Variants in GRID2 observed in about 807,000 individuals in gnomAD.
GRID2 encodes the protein glutamate ionotropic receptor delta type subunit 2, also known as glutamate receptor ionotropic, delta-2.
In GRID2, 33 loss-of-function variants were observed where a neutral mutation model predicts 114.8. The observed-to-expected ratio is 0.29, with a 90% CI of 0.22 to 0.38. The LOEUF (loss-of-function observed/expected upper bound fraction) is 0.38. Among genes scored for constraint, GRID2 ranks in the 10% least tolerant of loss-of-function variants. The pLI, the probability that GRID2 is intolerant of heterozygous loss-of-function variation, is 1.00. For synonymous variants in GRID2, 505 were observed against 449.9 expected, an observed-to-expected ratio of 1.12 and a Z score of -1.55; for missense variants, 1,184 against 1,257.7, an observed-to-expected ratio of 0.94 and a Z score of 0.89.
intron 2 of GRID2, among the ~76,000 whole-genome samples, chr4:92,688,488 C>G (rs1322439957): frequency 6.6e-6 from 1 of 152,150 alleles, no homozygotes; most frequent in African/African-American, 2.4e-5. Context: ...ATTCTAAATT[C>G]TTTGTTGTCA....
At chr4:93,286,690 T>TGG (rs1249965684) in intron 8 of GRID2, among the ~76,000 whole-genome samples, 17 of 49,678 alleles carry the variant, frequency 3.4e-4, no homozygotes, top group Middle Eastern at 0.013. Flanking sequence ...TGTGTGTGTG[T>TGG]GGGGGTGTGT....
chr4:93,449,800 A>C (rs551792723), intron 10 of GRID2, among the ~76,000 whole-genome samples: 1 of 152,162 alleles, frequency 6.6e-6, no homozygotes, highest in African/African-American at 2.4e-5. Flanking sequence ...ATGTGAATGA[A>C]GAATTAAAGG....
intron 11 of GRID2, among the ~76,000 whole-genome samples, chr4:93,463,456 T>G (rs1318724444): frequency 6.6e-6 from 1 of 152,180 alleles, no homozygotes; most frequent in East Asian, 1.9e-4. Flanking sequence ...TCAACTGGGC[T>G]TTTGAAGAGT....
chr4:92,449,466 C>T (rs1388697760), intron 1 of GRID2, among the ~76,000 whole-genome samples: 1 of 151,198 alleles, frequency 6.6e-6, no homozygotes, highest in Non-Finnish European at 1.5e-5. Flanking sequence ...AAATTTTTTT[C>T]CATGTGTGGG....
chr4:92,905,384 G>A (rs935431579), intron 2 of GRID2, among the ~76,000 whole-genome samples: 10 of 148,948 alleles, frequency 6.7e-5, no homozygotes, highest in Admixed American at 3.3e-4. Context: ...ATATAATAAC[G>A]TTAAAATTTT....
intron 1 of GRID2, among the ~76,000 whole-genome samples, chr4:92,394,904 A>G (rs529261478): frequency 1.3e-5 from 2 of 151,632 alleles, no homozygotes; most frequent in Admixed American, 1.3e-4. Context: ...TATTTGTGTA[A>G]TATTATTTTT....
chr4:92,366,161 T>C (rs1728853470), intron 1 of GRID2, among the ~76,000 whole-genome samples: 1 of 152,024 alleles, frequency 6.6e-6, no homozygotes, highest in Non-Finnish European at 1.5e-5. Flanking sequence ...TTTTTGTAGA[T>C]GAAGAAACAG....
chr4:92,998,040 A>G (rs1257369758), intron 2 of GRID2, among the ~76,000 whole-genome samples: 1 of 152,106 alleles, frequency 6.6e-6, no homozygotes, highest in Non-Finnish European at 1.5e-5. Flanking sequence ...ACTTTGGAAT[A>G]ATTAGACTAA....
chr4:92,736,321 A>G (rs1736596140), intron 2 of GRID2, among the ~76,000 whole-genome samples: 1 of 152,116 alleles, frequency 6.6e-6, no homozygotes, highest in African/African-American at 2.4e-5. Flanking sequence ...GAACCTCCAG[A>G]AGAAATACAG....
intron 10 of GRID2, among the ~76,000 whole-genome samples, chr4:93,427,911 A>C (rs1346746425): frequency 6.6e-6 from 1 of 152,040 alleles, no homozygotes; most frequent in African/African-American, 2.4e-5. Flanking sequence ...AGTACAGGAG[A>C]AATATTTAAG....
chr4:92,908,541 G>A, intron 2 of GRID2, among the ~76,000 whole-genome samples: 1 of 122,120 alleles, frequency 8.2e-6, no homozygotes. Flanking sequence ...CAGTCCGGAC[G>A]ACAGAGCAAG....
chr4:93,172,094 T>C (rs1302628030), intron 4 of GRID2, among the ~76,000 whole-genome samples: 1 of 152,322 alleles, frequency 6.6e-6, no homozygotes, highest in South Asian at 2.1e-4. Flanking sequence ...CTCAGGTCAA[T>C]ATATTTCATC....
At chr4:92,710,152 G>T (rs1735172458) in intron 2 of GRID2, among the ~76,000 whole-genome samples, 1 of 151,786 alleles carries the variant, frequency 6.6e-6, no homozygotes, top group Admixed American at 6.6e-5. Flanking sequence ...TTCTTTTCTT[G>T]ATGCCATACC....
intron 14 of GRID2, among the ~76,000 whole-genome samples, chr4:93,747,801 G>A (rs1469501483): frequency 1.3e-5 from 2 of 151,520 alleles, no homozygotes; most frequent in Non-Finnish European, 2.9e-5. Context: ...TTCCCCCCCA[G>A]TGGACAGAAA....
At chr4:92,989,063 G>A (rs983992397) in intron 2 of GRID2, among the ~76,000 whole-genome samples, 8 of 151,926 alleles carry the variant, frequency 5.3e-5, no homozygotes, top group Admixed American at 2.0e-4. Context: ...AGATCACGAG[G>A]TCCGGAGATG....
At chr4:93,213,367 A>G (rs149290590) in intron 5 of GRID2, among the ~76,000 whole-genome samples, 308 of 152,280 alleles carry the variant, frequency 2.0e-3, no homozygotes, top group South Asian at 0.011. Flanking sequence ...ACCACATAGT[A>G]GAGGGCTTAA....
In GRID2 at chr4:92,341,093, C is replaced by T. The variant is rs976863908; in HGVS notation, c.88+36349C>T. 1.3e-4 allele frequency among the ~76,000 whole-genome samples: 19 copies of T among 151,968 alleles called. No individual in the cohort carries two copies. The South Asian group carries it at 1.7e-3, about 13-fold the overall frequency. ...GTATATAAAATATAAAATGTGTATA[C>T]TATACAGTATATGGTATACAGTAGA... On this transcript the variant is annotated intron_variant, in intron 1 of 15. Coordinates refer to ENST00000282020, the MANE Select transcript of GRID2 (RefSeq NM_001510.4).
intron 1 of GRID2, among the ~76,000 whole-genome samples, chr4:92,517,118 C>T (rs1724537480): frequency 6.6e-6 from 1 of 151,844 alleles, no homozygotes; most frequent in South Asian, 2.1e-4. Flanking sequence ...TTGCCACGTA[C>T]TGGATGCCCT....
At chr4:92,677,358 C>G (rs1437217441) in intron 2 of GRID2, among the ~76,000 whole-genome samples, 4 of 152,060 alleles carry the variant, frequency 2.6e-5, no homozygotes, top group African/African-American at 4.8e-5. Context: ...GACAAAAGAT[C>G]AGAGGAATAA....
Sources: gnomAD v4.1 joint callset for allele counts (sites outside exome capture counted in the v4.1 genomes callset) on GRCh38, gnomAD v4.1.1 for gene constraint, MANE v1.5 for transcripts, NCBI Gene and HGNC (gene_info 2026-07-23, HGNC 2026-07-21) for gene names.